Variants in RALGDS observed in about 807,000 individuals in gnomAD.
RALGDS encodes ral guanine nucleotide dissociation stimulator.
Under a neutral mutation model 99.8 loss-of-function variants are expected in RALGDS, and 44 were observed. The ratio of observed to expected loss-of-function variants is 0.44; its 90% CI spans 0.35 to 0.57. The LOEUF (loss-of-function observed/expected upper bound fraction) is 0.57. RALGDS is among the 20% of genes least tolerant of loss of function. RALGDS has a pLI of 0.01. For synonymous variants in RALGDS, 529 were observed against 505.0 expected (o/e 1.05, Z -0.64); for missense variants, 1,022 against 1,203.1 (o/e 0.85, Z 2.23).
intron 1 of RALGDS, among the ~76,000 whole-genome samples, chr9:133,145,922 C>A (rs543332339): frequency 7.9e-5 from 12 of 152,232 alleles, no homozygotes; most frequent in African/African-American, 2.9e-4. Flanking sequence ...TCCTGCTGAC[C>A]CCTGGATTTT....
intron 4 of RALGDS, among the ~76,000 whole-genome samples, chr9:133,109,341 G>A (rs1185519276): frequency 6.6e-6 from 1 of 152,160 alleles, no homozygotes; most frequent in East Asian, 1.9e-4. Flanking sequence ...GGGGCCCCTA[G>A]ATCAGGGCCC....
chr9:133,119,613 A>C (rs1285441618), intron 1 of RALGDS, among the ~76,000 whole-genome samples: 1 of 152,078 alleles, frequency 6.6e-6, no homozygotes, highest in Non-Finnish European at 1.5e-5. Flanking sequence ...CAGCACACAA[A>C]GCCCGAGCTG....
At chr9:133,126,983 A>C (rs1004002273) in intron 1 of RALGDS, among the ~76,000 whole-genome samples, 5 of 152,162 alleles carry the variant, frequency 3.3e-5, no homozygotes, top group African/African-American at 1.2e-4. Flanking sequence ...CACTGCCCTC[A>C]GGCAGAAGAC....
chr9:133,129,361 C>A, intron 1 of RALGDS: 1 of 1,520,424 alleles, frequency 6.6e-7, no homozygotes, highest in Admixed American at 2.1e-5. Flanking sequence ...TGCGGGAGGC[C>A]CTCTGCCAGT....
chr9:133,132,286 A>G (rs1832347416), upstream of RALGDS, among the ~76,000 whole-genome samples: 1 of 152,220 alleles, frequency 6.6e-6, no homozygotes, highest in Non-Finnish European at 1.5e-5. Flanking sequence ...CTGTGCAGAC[A>G]GGCAGGATCT....
At chr9:133,102,926 G>A (rs372746546) in intron 12 of RALGDS, 26 bp from the exon 13 acceptor site, 1,759 of 1,611,826 alleles carry the variant, frequency 1.1e-3, no homozygotes, top group Non-Finnish European at 1.4e-3. Context: ...AGCACAGGGC[G>A]GTGACAAGGC....
intron 8 of RALGDS, 51 bp downstream of exon 8, chr9:133,106,594 C>A: frequency 7.1e-7 from 1 of 1,399,404 alleles, no homozygotes; most frequent in Non-Finnish European, 9.9e-7. Flanking sequence ...GTGATGCCAG[C>A]CCTGTGGGAG....
Position 133,144,785 on chromosome 9 carries a change from C to T in RALGDS, c.18+4178G>A, listed in dbSNP as rs1286576488. On this transcript the variant is annotated intron_variant, in intron 1 of 17. Coordinates refer to the RALGDS transcript ENST00000393160. The surrounding 1 kb of genome is among the most constrained non-coding windows in gnomAD (Gnocchi z 4.5). ...GGGATCATTCCCAATACTCCTGTTACGGGTTGAACTGTGTCCCTGAACAAA... is the reference window on the plus strand; with the variant it reads ...GGGATCATTCCCAATACTCCTGTTATGGGTTGAACTGTGTCCCTGAACAAA... Among the ~76,000 whole-genome samples the T allele has an allele frequency of 1.3e-5, 2 of 152,204 alleles. No individual in the cohort carries two copies. The highest frequency in any genetic ancestry group is 4.8e-5 in the African/African-American group (2 of 41,448).
In RALGDS at chr9:133,108,039, G is replaced by C; in HGVS notation, c.1146C>G (p.Leu382=). 1 of 1,613,546 alleles carries C rather than the reference G, an allele frequency of 6.2e-7. No individual in the cohort carries two copies. The highest frequency in any genetic ancestry group is 2.2e-5 in the East Asian group (1 of 44,890). Residue 382 remains leucine, a synonymous_variant, in exon 6 of 18, where the codon CTC becomes CTG. Transcript: ENST00000372050. ...CCACCAGATCTGGAGGGAACACCAA[G>C]AGGTGAGGCTTCTCCTCACTCAGCC... The part of the protein sequence containing the change: ...ENGLSEEKPH[L]LVFPPDLVAE...
At chr9:133,110,174 T>G in intron 3 of RALGDS, 122 bp downstream of exon 3, 1 of 1,068,854 alleles carries the variant, frequency 9.4e-7, no homozygotes, top group Admixed American at 2.1e-5. Context: ...CACTCCAGTT[T>G]CTCTTTCATA....
chr9:133,103,290 A>G lies in RALGDS; in HGVS notation c.1759-28T>C, dbSNP rs754921248. 11 of 1,613,760 alleles carry G rather than the reference A, an allele frequency of 6.8e-6. No individual in the cohort carries two copies. The South Asian group carries it at 1.1e-4, about 16-fold the overall frequency. On this transcript the variant is annotated intron_variant, in intron 11 of 17. Coordinates refer to ENST00000372050, the MANE Select transcript of RALGDS (RefSeq NM_006266.4). ...GGAAGGTGGACACCCAATGGCCGTC[A>G]GAAAGTGACCCCTTGACCATTACAG...
intron 1 of RALGDS, among the ~76,000 whole-genome samples, chr9:133,136,282 T>C (rs1832424374): frequency 6.6e-6 from 1 of 152,216 alleles, no homozygotes; most frequent in African/African-American, 2.4e-5. Flanking sequence ...GTGCTACAAC[T>C]GCAGACAGGC....
chr9:133,108,016 A>T lies in RALGDS; in HGVS notation c.1169T>A (p.Val390Glu). Residue 390 changes from valine to glutamate, a missense_variant, in exon 6 of 18, where the codon GTG becomes GAG. By Grantham distance (121) the Val-to-Glu change is moderately radical. Around this residue, in one of 3 missense-constraint regions of RALGDS, gnomAD observed 825 missense variants for 994.5 expected, o/e 0.83. Transcript: ENST00000372050. ...PHLLVFPPDL[V>E]AEQFTLMDAE... ...ATCCATCAGTGTAAACTGCTCTGCC[A>T]CCAGATCTGGAGGGAACACCAAGAG... 1 of 1,613,336 alleles carries T rather than the reference A, an allele frequency of 6.2e-7. No homozygotes were observed. The highest frequency in any genetic ancestry group is 8.5e-7 in the Non-Finnish European group (1 of 1,180,010).
rs1457052961 is a variant in RALGDS, at chr9:133,102,833, T to A, written c.1859A>T (p.Asp620Val). The A allele has an allele frequency of 1.2e-6, 2 of 1,613,644 alleles. No individual in the cohort carries two copies. Among genetic ancestry groups the A allele is most frequent in the Non-Finnish European group, 1.7e-6 (2 of 1,179,974 alleles). ...SACNNYSIAP[D>V]EQFGAWFRAV... is the part of the protein sequence containing the mutation. Reference sequence around the variant, plus strand: ...CCGGAACCAGGCCCCAAATTGCTCATCTGGCGCGATGCTGTAGTTGTTGCA... The same window carrying A: ...CCGGAACCAGGCCCCAAATTGCTCAACTGGCGCGATGCTGTAGTTGTTGCA... The change falls in exon 13 of 18, where the codon GAT (aspartate) becomes GTT (valine). Residue 620 changes from aspartate to valine, a missense_variant. Physicochemically the swap from Asp to Val is radical, Grantham distance 152. This residue lies in a region of RALGDS where 825 missense variants were observed against 994.5 expected (regional missense o/e 0.83). Transcript: ENST00000372050.
intron 1 of RALGDS, among the ~76,000 whole-genome samples, chr9:133,139,858 C>T (rs2119268252): frequency 6.6e-6 from 1 of 152,322 alleles, no homozygotes; most frequent in Non-Finnish European, 1.5e-5. Flanking sequence ...TACTCCCCCA[C>T]ATCCGTAGGC....
At position 133,101,971 on chromosome 9, in the gene RALGDS, G is replaced by A. The variant is rs1312492705; in HGVS notation, c.2178C>T (p.Phe726=). 9 of 1,551,594 alleles carry A rather than the reference G, an allele frequency of 5.8e-6. No homozygotes were observed. The highest frequency in any genetic ancestry group is 7.8e-6 in the Non-Finnish European group (9 of 1,147,192). The part of the protein sequence containing the change: ...SSDVEEINIS[F]VPESPDGQEK... ...CCTGGCCATCAGGAGACTCCGGGAC[G>A]AAGCTGATGTTGATCTCCTCCACGT... Residue 726 remains phenylalanine, a synonymous_variant, in exon 15 of 18, where the codon TTC becomes TTT. Transcript: ENST00000372050.
intron 1 of RALGDS, among the ~76,000 whole-genome samples, chr9:133,114,594 G>A (rs1402888234): frequency 1.3e-5 from 2 of 152,220 alleles, no homozygotes; most frequent in Non-Finnish European, 2.9e-5. Context: ...GCAGCGCCTG[G>A]GCCCCAGGGC....
upstream of RALGDS, among the ~76,000 whole-genome samples, chr9:133,136,096 C>T (rs1019323200): frequency 3.3e-5 from 5 of 152,116 alleles, no homozygotes; most frequent in Admixed American, 6.6e-5. Flanking sequence ...TTACTGAACA[C>T]CTACTAGGTG....
At position 133,144,887 on chromosome 9, in the gene RALGDS, T is replaced by C. The variant is rs1235514845; in HGVS notation, c.18+4076A>G. Reference sequence around the variant, plus strand: ...GGATAGAATCCGGATGAGGTCATACTGGATTAGGGTGGGCCTTAATCCAAT... The same window carrying C: ...GGATAGAATCCGGATGAGGTCATACCGGATTAGGGTGGGCCTTAATCCAAT... On this transcript the variant is annotated intron_variant, in intron 1 of 17. Transcript: ENST00000393160. The surrounding 1 kb of genome is among the most constrained non-coding windows in gnomAD (Gnocchi z 4.5). Among the ~76,000 whole-genome samples the C allele has an allele frequency of 6.6e-6, 1 of 152,262 alleles. No individual in the cohort carries two copies. The highest frequency in any genetic ancestry group is 1.5e-5 in the Non-Finnish European group (1 of 68,050).
Sources: allele counts gnomAD v4.1 joint callset (sites outside exome capture counted in the v4.1 genomes callset), GRCh38; gene constraint gnomAD v4.1.1; regional missense constraint gnomAD v4.1.1; non-coding constraint Gnocchi (gnomAD v3.1); transcripts MANE v1.5; gene names NCBI Gene and HGNC (gene_info 2026-07-23, HGNC 2026-07-21).